The following NYAP2 variants were observed in gnomAD, a reference collection of about 807,000 sequenced individuals.
NYAP2 encodes neuronal tyrosine-phosphorylated phosphoinositide-3-kinase adaptor 2.
In NYAP2, 23 loss-of-function variants were observed where a neutral mutation model predicts 50.4. That is an observed-to-expected ratio of 0.46 (90% CI 0.33 to 0.65). NYAP2 has a LOEUF of 0.65. Among genes scored for constraint, NYAP2 ranks in the 30% least tolerant of loss-of-function variants. The pLI is 0.02. For synonymous variants in NYAP2, 394 were observed against 365.2 expected, an observed-to-expected ratio of 1.08 and a Z score of -0.90; for missense variants, 885 against 861.0, an observed-to-expected ratio of 1.03 and a Z score of -0.35.
At chr2:225,460,155 A>G (rs903960337) in intron 3 of NYAP2, among the ~76,000 whole-genome samples, 11 of 152,092 alleles carry the variant, frequency 7.2e-5, no homozygotes, top group African/African-American at 2.7e-4. Flanking sequence ...TTTTTTTTGT[A>G]TATACATTAT....
At chr2:225,529,182 T>C (rs1206483992) in intron 4 of NYAP2, among the ~76,000 whole-genome samples, 2 of 152,206 alleles carry the variant, frequency 1.3e-5, no homozygotes, top group African/African-American at 4.8e-5. Flanking sequence ...TCTTTATCTC[T>C]TTTCTCATCA....
At chr2:225,484,913 A>G (rs1329291702) in intron 3 of NYAP2, among the ~76,000 whole-genome samples, 2 of 152,216 alleles carry the variant, frequency 1.3e-5, no homozygotes, top group African/African-American at 4.8e-5. Flanking sequence ...CCCCAGTGCT[A>G]TTGAATCAGA....
chr2:225,483,039 A>G (rs1294985265), intron 3 of NYAP2, among the ~76,000 whole-genome samples: 2 of 152,208 alleles, frequency 1.3e-5, no homozygotes, highest in Admixed American at 6.5e-5. Flanking sequence ...ACCTGTTTGA[A>G]TATTCTGTAC....
chr2:225,533,558 G>A (rs1691296508), intron 4 of NYAP2, among the ~76,000 whole-genome samples: 1 of 152,094 alleles, frequency 6.6e-6, no homozygotes, highest in Admixed American at 6.6e-5. Context: ...GCATGGTGGT[G>A]TGCACCTGTG....
chr2:225,661,138 T>C, the NYAP2 span, among the ~76,000 whole-genome samples: 1 of 152,210 alleles, frequency 6.6e-6, no homozygotes, highest in Non-Finnish European at 1.5e-5. Context: ...TTGAAACAGA[T>C]AGCTTGAGAG....
intron 3 of NYAP2, 39 bp from the exon 4 acceptor site, chr2:225,513,332 C>G: frequency 1.2e-6 from 2 of 1,603,176 alleles, no homozygotes; most frequent in Non-Finnish European, 1.7e-6. Flanking sequence ...ATCCTGGCTC[C>G]TTTTGTCTTC....
exon 5 of NYAP2, chr2:225,581,988 C>T (rs748501345): frequency 3.1e-6 from 5 of 1,612,584 alleles, no homozygotes; most frequent in Non-Finnish European, 4.2e-6. Flanking sequence ...CAAGAAGATT[C>T]CTCCTCCCAA....
At chr2:225,551,247 G>A (rs1316282971) in intron 4 of NYAP2, among the ~76,000 whole-genome samples, 2 of 152,148 alleles carry the variant, frequency 1.3e-5, no homozygotes, top group Non-Finnish European at 2.9e-5. Flanking sequence ...CATATGATTT[G>A]CTTGGCCAAT....
intron 5 of NYAP2, among the ~76,000 whole-genome samples, chr2:225,593,334 C>T (rs971579984): frequency 6.6e-6 from 1 of 152,168 alleles, no homozygotes; most frequent in African/African-American, 2.4e-5. Context: ...AACTGAGTCC[C>T]TTCTGGCTTG....
intron 3 of NYAP2, among the ~76,000 whole-genome samples, chr2:225,435,495 C>T (rs1449392136): frequency 6.6e-6 from 1 of 152,174 alleles, no homozygotes; most frequent in Non-Finnish European, 1.5e-5. Context: ...TTTAATTTGA[C>T]TTGACTGGTC....
chr2:225,686,476 C>A, the NYAP2 span, among the ~76,000 whole-genome samples: 1 of 151,964 alleles, frequency 6.6e-6, no homozygotes, highest in Admixed American at 6.6e-5. Flanking sequence ...TCATGTAACT[C>A]AAGAGACACT....
chr2:225,611,901 TACAC>T (rs147331159), intron 5 of NYAP2, among the ~76,000 whole-genome samples: 4,407 of 145,556 alleles, frequency 0.03, 93 homozygotes, highest in East Asian at 0.096. Context: ...TGTGTGTGTA[TACAC>T]ACACACACAC....
intron 3 of NYAP2, among the ~76,000 whole-genome samples, chr2:225,505,737 G>GAA (rs1690692890): frequency 6.6e-6 from 1 of 152,272 alleles, no homozygotes; most frequent in Middle Eastern, 3.4e-3. Flanking sequence ...CATTTGTCAG[G>GAA]AAACCCAAAT....
At chr2:225,451,820 C>T (rs939272039) in intron 3 of NYAP2, among the ~76,000 whole-genome samples, 8 of 152,174 alleles carry the variant, frequency 5.3e-5, no homozygotes, top group East Asian at 1.9e-4. Context: ...ATTCAACAAA[C>T]ATTTCCTGAA....
intron 3 of NYAP2, among the ~76,000 whole-genome samples, chr2:225,511,371 CACAG>C (rs1213566393): frequency 0.018 from 2,201 of 125,012 alleles, 24 homozygotes; most frequent in Middle Eastern, 0.05. Flanking sequence ...CACACACACA[CACAG>C]AGAGAGAGAG....
At chr2:225,596,581 A>G (rs185758102) in intron 5 of NYAP2, among the ~76,000 whole-genome samples, 1 of 152,240 alleles carries the variant, frequency 6.6e-6, no homozygotes, top group African/African-American at 2.4e-5. Flanking sequence ...ATCAGTTTAT[A>G]TTTGTAGATT....
chr2:225,582,855 G>A lies in NYAP2; in HGVS notation c.1438G>A (p.Val480Met), dbSNP rs760861891. ...AGTGCCTCACTCGACCCCCAGACCCGTGTCGCAAGATGGGGCCAAGATGGT... is the reference window on the plus strand; with the variant it reads ...AGTGCCTCACTCGACCCCCAGACCCATGTCGCAAGATGGGGCCAAGATGGT... Residue 480 changes from valine (V) to methionine (M), a missense_variant, in exon 5 of 7, where the codon GTG becomes ATG. Physicochemically the swap from Val to Met is conservative, Grantham distance 21 (BLOSUM62 1). Transcript: ENST00000636099. The surrounding 1 kb of genome is among the most constrained non-coding windows in gnomAD (Gnocchi z 7.0). 1.1e-5 allele frequency: 17 copies of A among 1,613,786 alleles called. No homozygotes were observed. The highest frequency in any genetic ancestry group is 2.2e-5 in the East Asian group (1 of 44,862).
chr2:225,552,327 A>G (rs1442384584), intron 4 of NYAP2, among the ~76,000 whole-genome samples: 1 of 152,228 alleles, frequency 6.6e-6, no homozygotes, highest in Non-Finnish European at 1.5e-5. Flanking sequence ...TAGAAGGACT[A>G]AAAAAGCAAA....
chr2:225,603,724 GGTTCTGGTGACACTCAGAAGATAGTTTT>G (rs1342592906), intron 5 of NYAP2, among the ~76,000 whole-genome samples: 1 of 152,112 alleles, frequency 6.6e-6, no homozygotes, highest in Non-Finnish European at 1.5e-5. Context: ...CCAGTGAACT[GGTTCTGGTGACACTCAGAAGATAGTTTT>G]GTTTGTTTGA....
Sources: gnomAD v4.1 joint callset for allele counts (sites outside exome capture counted in the v4.1 genomes callset) on GRCh38, gnomAD v4.1.1 for gene constraint, Gnocchi (gnomAD v3.1) non-coding constraint, MANE v1.5 for transcripts, NCBI Gene and HGNC (gene_info 2026-07-23, HGNC 2026-07-21) for gene names.